PARD3B: variants seen among roughly 807,000 people sequenced by gnomAD.
The protein encoded by PARD3B is partitioning defective 3 homolog B.
Under a neutral mutation model 130.2 loss-of-function variants are expected in PARD3B, and 103 were observed. That is an observed-to-expected ratio of 0.79 (90% CI 0.67 to 0.93). The LOEUF is 0.93. Ranked by LOEUF, PARD3B falls within the 40% of genes least tolerant of loss-of-function variation. The pLI, the probability that PARD3B is intolerant of heterozygous loss-of-function variation, is 0.00. For missense variants in PARD3B, 1,609 were observed against 1,499.2 expected (o/e 1.07, Z -1.21); for synonymous variants, 583 against 553.2 (o/e 1.05, Z -0.76).
At chr2:204,913,903 G>T (rs1040163919) in intron 2 of PARD3B, among the ~76,000 whole-genome samples, 3 of 152,166 alleles carry the variant, frequency 2.0e-5, no homozygotes, top group African/African-American at 7.2e-5. Flanking sequence ...TGGTCTAAAG[G>T]CACCGTGAAA....
intron 22 of PARD3B, among the ~76,000 whole-genome samples, chr2:205,579,376 G>A (rs543777708): frequency 6.6e-6 from 1 of 152,228 alleles, no homozygotes; most frequent in East Asian, 1.9e-4. Context: ...TGACCCAGAG[G>A]TACCTTTCCA....
intron 16 of PARD3B, 131 bp downstream of exon 16, chr2:205,245,953 G>A: frequency 1.4e-6 from 1 of 698,118 alleles, no homozygotes; most frequent in Non-Finnish European, 2.5e-6. Flanking sequence ...AGATGTCTCT[G>A]ACTTCCACAA....
chr2:204,871,567 AAAT>A (rs1235432496), intron 2 of PARD3B, among the ~76,000 whole-genome samples: 3 of 152,198 alleles, frequency 2.0e-5, no homozygotes, highest in South Asian at 4.1e-4. Context: ...CTAGAAAAGT[AAAT>A]AATAATGATA....
At chr2:205,551,198 T>C (rs2052630243) in intron 21 of PARD3B, among the ~76,000 whole-genome samples, 1 of 151,780 alleles carries the variant, frequency 6.6e-6, no homozygotes, top group Admixed American at 6.6e-5. Flanking sequence ...ATAAGCATAG[T>C]GATTTTCCAA....
chr2:204,717,058 A>G (rs2038766551), intron 2 of PARD3B, among the ~76,000 whole-genome samples: 1 of 152,194 alleles, frequency 6.6e-6, no homozygotes, highest in South Asian at 2.1e-4. Flanking sequence ...ATTTCCCTTC[A>G]GGATTTGCTG....
intron 2 of PARD3B, among the ~76,000 whole-genome samples, chr2:204,695,322 C>T (rs936898312): frequency 6.6e-6 from 1 of 151,680 alleles, no homozygotes; most frequent in Non-Finnish European, 1.5e-5. Flanking sequence ...CATTGTAATA[C>T]CTAAAATTAT....
Position 205,121,872 on chromosome 2 carries a change from C to CCT in PARD3B, c.1092_1093dup (p.Pro365LeufsTer23). Reference sequence around the variant, plus strand: ...GTACCAAGGCTGGGAGGAAAACCATCCTCTCCCTCACTCTCGCCTCTCATG... The same window carrying CCT: ...GTACCAAGGCTGGGAGGAAAACCATCCTCTCTCCCTCACTCTCGCCTCTCATG... On this transcript the variant is annotated frameshift_variant, in exon 8 of 23. Transcript: ENST00000406610. LOFTEE classifies it high-confidence loss of function. This position sits in a 1 kb window ranked among gnomAD's most constrained non-coding sequence, Gnocchi z 5.0. 2 of 1,614,048 alleles carry CCT rather than the reference C, an allele frequency of 1.2e-6. No individual in the cohort carries two copies. The highest frequency in any genetic ancestry group is 1.7e-6 in the Non-Finnish European group (2 of 1,180,006).
Position 205,331,782 on chromosome 2 carries a change from C to CAAAAAAAAAAAAAAAAAA in PARD3B, c.2630+30087_2630+30104dup, listed in dbSNP as rs56654511. 1.7e-3 allele frequency among the ~76,000 whole-genome samples: 83 copies of CAAAAAAAAAAAAAAAAAA among 48,400 alleles called. 11 individuals carry two copies. Among genetic ancestry groups the CAAAAAAAAAAAAAAAAAA allele is most frequent in the African/African-American group, 8.4e-3 (78 of 9,300 alleles). 31.8% of individuals were successfully genotyped at this position (48,400 alleles called of 152,430 possible). On this transcript the variant is annotated intron_variant, in intron 18 of 22. Transcript: ENST00000406610. ...TGGGCGACAGAGTGAGACTCCGTCT[C>CAAAAAAAAAAAAAAAAAA]AAAAAAAAAAAAAAAAAAAAAAAGA...
intron 3 of PARD3B, among the ~76,000 whole-genome samples, chr2:205,004,291 A>T (rs1695078760): frequency 6.6e-6 from 1 of 152,230 alleles, no homozygotes; most frequent in Non-Finnish European, 1.5e-5. Context: ...TATCCTGTAT[A>T]TTCTAGCCTG....
chr2:205,277,785 G>A (rs1219594251), intron 16 of PARD3B, among the ~76,000 whole-genome samples: 1 of 152,182 alleles, frequency 6.6e-6, no homozygotes, highest in Non-Finnish European at 1.5e-5. Flanking sequence ...GAAGGCCTTT[G>A]TAAATCATCC....
intron 15 of PARD3B, among the ~76,000 whole-genome samples, chr2:205,211,316 AC>A (rs1307959840): frequency 1.3e-5 from 2 of 152,060 alleles, no homozygotes; most frequent in African/African-American, 2.4e-5. Context: ...ATGTATCCAT[AC>A]ATACAATAGA....
intron 20 of PARD3B, among the ~76,000 whole-genome samples, chr2:205,487,803 A>G (rs948413568): frequency 6.6e-6 from 1 of 152,208 alleles, no homozygotes; most frequent in Non-Finnish European, 1.5e-5. Context: ...TTAAAACTCA[A>G]CTGTGTTTGA....
In PARD3B at chr2:205,251,318, A is replaced by T. The variant is rs756699935; in HGVS notation, c.2185+5496A>T. On this transcript the variant is annotated intron_variant, in intron 16 of 22. Coordinates refer to ENST00000406610, the MANE Select transcript of PARD3B (RefSeq NM_001302769.2). ...AGTTAAGAGCTGTATGAGAGAGAAG[A>T]TGTGCATGTGACGTGTATAAATTAT... Among the ~76,000 whole-genome samples the T allele has an allele frequency of 2.6e-5, 4 of 152,074 alleles. No individual in the cohort carries two copies. In the South Asian group the frequency reaches 6.2e-4, roughly 24 times the overall value.
intron 2 of PARD3B, among the ~76,000 whole-genome samples, chr2:204,708,642 A>T (rs2125294013): frequency 6.6e-6 from 1 of 152,276 alleles, no homozygotes; most frequent in Non-Finnish European, 1.5e-5. Flanking sequence ...TTTAATTTCC[A>T]TTTTTGTTTC....
At chr2:204,752,459 A>G (rs1453159423) in intron 2 of PARD3B, among the ~76,000 whole-genome samples, 1 of 152,168 alleles carries the variant, frequency 6.6e-6, no homozygotes, top group Non-Finnish European at 1.5e-5. Context: ...CTTTTAGTGA[A>G]TGAATAAAAA....
chr2:204,599,617 C>G (rs1034722829), intron 1 of PARD3B, among the ~76,000 whole-genome samples: 2 of 151,850 alleles, frequency 1.3e-5, no homozygotes, highest in African/African-American at 4.8e-5. Flanking sequence ...GATTCCATAT[C>G]TTGGTTGTTG....
intron 20 of PARD3B, among the ~76,000 whole-genome samples, chr2:205,475,295 C>G (rs915636246): frequency 7.2e-5 from 11 of 152,118 alleles, no homozygotes; most frequent in African/African-American, 2.4e-4. Flanking sequence ...TATCACCACT[C>G]CCATCAGCAT....
At chr2:205,134,304 C>T (rs1386766148) in intron 10 of PARD3B, among the ~76,000 whole-genome samples, 1 of 150,756 alleles carries the variant, frequency 6.6e-6, no homozygotes, top group African/African-American at 2.4e-5. Flanking sequence ...TGGTGGATTG[C>T]TTGAACCCAG....
rs531484352 is a variant in PARD3B at position 205,039,866 on chromosome 2, C to T, written c.395-7715C>T. 4.6e-5 allele frequency among the ~76,000 whole-genome samples: 7 copies of T among 152,262 alleles called. No homozygotes were observed. In the South Asian group the frequency reaches 6.2e-4, roughly 14 times the overall value. ...TACCCAGATAGAGAATGTGGCCCTG[C>T]CATAGGAAAGTGTCAGGTGAGTAAA... On this transcript the variant is annotated intron_variant, in intron 3 of 22. Transcript: ENST00000406610.
Sources: allele counts gnomAD v4.1 joint callset (sites outside exome capture counted in the v4.1 genomes callset), GRCh38; gene constraint gnomAD v4.1.1; non-coding constraint Gnocchi (gnomAD v3.1); transcripts MANE v1.5; gene names NCBI Gene and HGNC (gene_info 2026-07-23, HGNC 2026-07-21).